Variants in UPF2 observed in about 807,000 individuals in gnomAD.
The protein encoded by UPF2 is regulator of nonsense transcripts 2.
In UPF2, 17 loss-of-function variants were observed where a neutral mutation model predicts 141.4. That is an observed-to-expected ratio of 0.12 (90% CI 0.08 to 0.18). The LOEUF is 0.18. UPF2 is among the 10% of genes least tolerant of loss of function. UPF2 has a pLI of 1.00. For synonymous variants in UPF2, 540 were observed against 498.0 expected (o/e 1.08, Z -1.12); for missense variants, 1,152 against 1,515.9 (o/e 0.76, Z 3.99).
intron 3 of UPF2, among the ~76,000 whole-genome samples, chr10:12,025,648 T>C (rs1247767327): frequency 2.6e-5 from 4 of 152,208 alleles, no homozygotes; most frequent in Non-Finnish European, 1.5e-5. Flanking sequence ...TGTGGATTAA[T>C]AGTTCTGTAA....
intron 8 of UPF2, among the ~76,000 whole-genome samples, chr10:11,997,187 AAT>A (rs1833877161): frequency 6.6e-6 from 1 of 152,196 alleles, no homozygotes; most frequent in African/African-American, 2.4e-5. Flanking sequence ...CATAATCATT[AAT>A]ATGATTTCCA....
rs1256171319 is a variant in UPF2 at position 11,983,876 on chromosome 10, TACTC to T, written c.1845-4715_1845-4712del. 2.0e-5 allele frequency among the ~76,000 whole-genome samples: 3 copies of T among 152,232 alleles called. No homozygotes were observed. In the South Asian group the frequency reaches 6.2e-4, roughly 31 times the overall value. ...TATTTCTTCCTTAAAAGGCTAAAAA[TACTC>T]AGTTAAGCTTCCTAGTTTTATTCTA... On this transcript the variant is annotated intron_variant, in intron 8 of 21. Transcript: ENST00000357604.
chr10:11,945,130 G>C (rs996910760), intron 16 of UPF2, among the ~76,000 whole-genome samples: 7 of 152,200 alleles, frequency 4.6e-5, no homozygotes, highest in Admixed American at 3.9e-4. Flanking sequence ...CATAATGCTA[G>C]AGAATATTGG....
At chr10:11,961,003 T>G (rs1588538222) in intron 11 of UPF2, among the ~76,000 whole-genome samples, 1 of 147,178 alleles carries the variant, frequency 6.8e-6, no homozygotes, top group Admixed American at 6.8e-5. Flanking sequence ...CGTGGAAGGA[T>G]CACTTGAGCC....
At position 11,938,853 on chromosome 10, in the gene UPF2, GTTTTTTTTTTTTTTTTTT is replaced by G. The variant is rs58106776; in HGVS notation, c.3379-2159_3379-2142del. ...GTGGTCTTAAGCAAGTTTTTTTTTT[GTTTTTTTTTTTTTTTTTT>G]TTTTTTTTTTTGGAGACGGAGTCTC... On this transcript the variant is annotated intron_variant, in intron 18 of 21. Transcript: ENST00000357604. Among the ~76,000 whole-genome samples the G allele has an allele frequency of 4.4e-3, 352 of 79,848 alleles. 3 individuals are homozygous for G. The highest frequency in any genetic ancestry group is 6.3e-3 in the Non-Finnish European group (270 of 42,782). 52.4% of individuals were successfully genotyped at this position (79,848 alleles called of 152,430 possible).
At chr10:11,985,389 G>A (rs1402664294) in intron 8 of UPF2, among the ~76,000 whole-genome samples, 1 of 152,144 alleles carries the variant, frequency 6.6e-6, no homozygotes, top group South Asian at 2.1e-4. Context: ...TGTAATCCCA[G>A]CACTTTGGGA....
At chr10:11,960,273 G>A (rs371268703) in intron 11 of UPF2, among the ~76,000 whole-genome samples, 4 of 152,150 alleles carry the variant, frequency 2.6e-5, no homozygotes, top group South Asian at 2.1e-4. Context: ...TCTGCTGGGC[G>A]CAGGGGCTCA....
intron 1 of UPF2, chr10:12,035,971 C>T (rs995440795): frequency 6.6e-6 from 1 of 152,254 alleles, no homozygotes; most frequent in African/African-American, 2.4e-5. Flanking sequence ...ACTCACGAAT[C>T]TCACTTCATT....
At chr10:11,960,762 C>T (rs1833226841) in intron 11 of UPF2, among the ~76,000 whole-genome samples, 1 of 151,062 alleles carries the variant, frequency 6.6e-6, no homozygotes, top group Admixed American at 6.6e-5. Flanking sequence ...AAGCTTAAGA[C>T]CTTATCTCTT....
intron 21 of UPF2, among the ~76,000 whole-genome samples, chr10:11,925,728 G>C (rs1455316192): frequency 6.6e-6 from 1 of 152,196 alleles, no homozygotes; most frequent in African/African-American, 2.4e-5. Context: ...GTTCTCCAGG[G>C]GAACAGCTGG....
Position 11,997,552 on chromosome 10 carries a change from C to G in UPF2, c.1844+120G>C. On this transcript the variant is annotated intron_variant, in intron 8 of 21. Transcript: ENST00000357604. ...AGTTCTAAAAAATATGCTAATAATGCTAATGACCTACAGAGTGAATAAAAT... is the reference window on the plus strand; with the variant it reads ...AGTTCTAAAAAATATGCTAATAATGGTAATGACCTACAGAGTGAATAAAAT... 7.8e-6 allele frequency: 6 copies of G among 772,294 alleles called. No individual in the cohort carries two copies. In the South Asian group the frequency reaches 1.5e-4, roughly 20 times the overall value. The allele number at this position is 772,294 out of a possible 1,614,324, so 47.8% of individuals were successfully genotyped here.
Position 11,956,399 on chromosome 10 carries a change from G to A in UPF2, c.2495C>T (p.Ala832Val). 6.2e-7 allele frequency: 1 copy of A among 1,614,074 alleles called. No homozygotes were observed. Among genetic ancestry groups the A allele is most frequent in the Non-Finnish European group, 8.5e-7 (1 of 1,179,990 alleles). ...ATCCTCTTGGTAGAGCACTAGTCCT[G>A]CTAAGAGGTTGGCTACACAATGAAT... ...NSIHCVANLL[A>V]GLVLYQEDVG... Residue 832 changes from alanine (A) to valine (V), a missense_variant, in exon 13 of 22, where the codon GCA (alanine) becomes GTA (valine). By Grantham distance (64) the Ala-to-Val change is moderately conservative (BLOSUM62 0). This residue lies in a region of UPF2 where 739 missense variants were observed against 1,032.2 expected (regional missense o/e 0.72). Transcript: ENST00000357604. This position sits in a 1 kb window ranked among gnomAD's most constrained non-coding sequence, Gnocchi z 4.2.
chr10:11,934,292 G>C (rs1208050526), intron 19 of UPF2, among the ~76,000 whole-genome samples: 2 of 152,182 alleles, frequency 1.3e-5, no homozygotes, highest in Non-Finnish European at 2.9e-5. Context: ...AAAGATCTCA[G>C]GACAATGCCA....
intron 9 of UPF2, among the ~76,000 whole-genome samples, chr10:11,975,147 G>A (rs1266839117): frequency 1.3e-5 from 2 of 152,218 alleles, no homozygotes; most frequent in Admixed American, 1.3e-4. Flanking sequence ...TGTAGTCGTA[G>A]TTACTTGGGA....
At position 11,984,859 on chromosome 10, in the gene UPF2, C is replaced by T. The variant is rs192924741; in HGVS notation, c.1845-5694G>A. On this transcript the variant is annotated intron_variant, in intron 8 of 21. Coordinates refer to ENST00000357604, the MANE Select transcript of UPF2 (RefSeq NM_015542.4). ...TCCCGAGCAGCTGGAACTACAGGTG[C>T]CTGCCACCATGCCCGGCTAATTTTT... 3.6e-3 allele frequency among the ~76,000 whole-genome samples: 544 copies of T among 152,254 alleles called. 5 individuals carry two copies. The highest frequency in any genetic ancestry group is 5.5e-3 in the Non-Finnish European group (375 of 68,004).
rs935467495 is a variant in UPF2, at chr10:12,019,469, G to A, written c.1146-5285C>T. Among the ~76,000 whole-genome samples the A allele has an allele frequency of 6.6e-6, 1 of 152,230 alleles. No individual in the cohort carries two copies. Among genetic ancestry groups the A allele is most frequent in the Admixed American group, 6.5e-5 (1 of 15,274 alleles). On this transcript the variant is annotated intron_variant, in intron 3 of 21. Transcript: ENST00000357604. This position sits in a 1 kb window ranked among gnomAD's most constrained non-coding sequence, Gnocchi z 4.5. ...GGCTTAATCTGGCCCACAAGCCATA[G>A]TTCGCCAATGCCTGTCACACTACTA...
chr10:12,000,855 AG>A (rs1446646542), intron 6 of UPF2, among the ~76,000 whole-genome samples: 1 of 152,180 alleles, frequency 6.6e-6, no homozygotes, highest in African/African-American at 2.4e-5. Context: ...AAACTCGATA[AG>A]AAGCATTTAG....
intron 5 of UPF2, among the ~76,000 whole-genome samples, chr10:12,003,923 CA>C (rs34191709): frequency 0.12 from 9,713 of 81,282 alleles, 339 homozygotes; most frequent in South Asian, 0.16. Flanking sequence ...AACTCCGCCT[CA>C]AAAAAAAAAA....
chr10:12,000,942 C>G (rs1384560359), intron 6 of UPF2, among the ~76,000 whole-genome samples: 1 of 152,142 alleles, frequency 6.6e-6, no homozygotes, highest in Non-Finnish European at 1.5e-5. Flanking sequence ...AACAGATGAA[C>G]TGATAAGCTA....
Sources: gnomAD v4.1 joint callset for allele counts (sites outside exome capture counted in the v4.1 genomes callset) on GRCh38, gnomAD v4.1.1 for gene constraint, gnomAD v4.1.1 regional missense constraint, Gnocchi (gnomAD v3.1) non-coding constraint, MANE v1.5 for transcripts, NCBI Gene and HGNC (gene_info 2026-07-23, HGNC 2026-07-21) for gene names.